MTPAP: variants seen among roughly 807,000 people sequenced by gnomAD.
MTPAP encodes the protein poly(A) RNA polymerase, mitochondrial.
In MTPAP, 23 loss-of-function variants were observed where a neutral mutation model predicts 48.7. The observed-to-expected ratio is 0.47, with a 90% CI of 0.34 to 0.67. MTPAP has a LOEUF of 0.67. Among genes scored for constraint, MTPAP ranks in the 30% least tolerant of loss-of-function variants. The probability of loss-of-function intolerance (pLI) is 0.01; values close to 1 mark genes in which losing one functional copy is unlikely to be tolerated. For missense variants in MTPAP, 614 were observed against 694.3 expected (o/e 0.88, Z 1.30); for synonymous variants, 257 against 254.1 (o/e 1.01, Z -0.11).
chr10:30,313,485 A>G lies in MTPAP; in HGVS notation c.*124T>C, dbSNP rs1185764775. The G allele has an allele frequency of 5.9e-6, 8 of 1,353,836 alleles. No homozygotes were observed. Among genetic ancestry groups the G allele is most frequent in the Non-Finnish European group, 8.4e-6 (8 of 957,304 alleles). The allele number at this position is 1,353,836 out of a possible 1,614,324, so 83.9% of individuals were successfully genotyped here. A position where few individuals can be genotyped will look rare whatever the true frequency, so the allele number is the denominator to read the frequency against. ...AGACCAGGTTAAGGGGGCCAATGAGAAGATCATGAAAAGTGACATCAGATG... is the reference window on the plus strand; with the variant it reads ...AGACCAGGTTAAGGGGGCCAATGAGGAGATCATGAAAAGTGACATCAGATG... On this transcript the variant is annotated 3_prime_UTR_variant, in exon 9 of 9. Transcript: ENST00000263063.
chr10:30,329,252 A>G (rs2132856694), intron 4 of MTPAP, among the ~76,000 whole-genome samples: 1 of 151,630 alleles, frequency 6.6e-6, no homozygotes, highest in Admixed American at 6.6e-5. Context: ...CAAAAAAAAA[A>G]GGGTATCACT....
chr10:30,341,682 C>T (rs374940267), intron 1 of MTPAP, 42 bp from the exon 2 acceptor site: 51 of 1,606,914 alleles, frequency 3.2e-5, no homozygotes, highest in Non-Finnish European at 6.0e-6. Context: ...CGCACACACA[C>T]AAAATTTTAA....
At chr10:30,332,073 A>G (rs1159328224) in intron 4 of MTPAP, among the ~76,000 whole-genome samples, 1 of 152,246 alleles carries the variant, frequency 6.6e-6, no homozygotes, top group Non-Finnish European at 1.5e-5. Flanking sequence ...AAGGTAAGAG[A>G]AGAGCTCATG....
At position 30,313,595 on chromosome 10, in the gene MTPAP, C is replaced by A. The variant is rs765272329; in HGVS notation, c.*14G>T. On this transcript the variant is annotated 3_prime_UTR_variant, in exon 9 of 9. Coordinates refer to ENST00000263063, the MANE Select transcript of MTPAP (RefSeq NM_018109.4). ...GATAGGCTAAGCCCAGTTCTTTACACAATGTAGCAGCCATCATGTCTGAGT... is the reference window on the plus strand; with the variant it reads ...GATAGGCTAAGCCCAGTTCTTTACAAAATGTAGCAGCCATCATGTCTGAGT... 7 of 1,614,024 alleles carry A rather than the reference C, an allele frequency of 4.3e-6. No individual in the cohort carries two copies. Among genetic ancestry groups the A allele is most frequent in the Middle Eastern group, 1.6e-4 (1 of 6,084 alleles).
At position 30,337,074 on chromosome 10, in the gene MTPAP, C is replaced by T. The variant is rs12221163; in HGVS notation, c.556-47G>A. On this transcript the variant is annotated intron_variant, in intron 3 of 8. Transcript: ENST00000263063. The stretch of plus-strand genomic sequence containing the variant: ...AACAAAATAGAGAAAAAGTACAGGT[C>T]GCATAAAAAGTTACCATTTTACTTT... The T allele has an allele frequency of 0.5, 736,910 of 1,468,848 alleles. 197,411 individuals carry two copies. The highest frequency in any genetic ancestry group is 0.56 in the Admixed American group (33,296 of 59,456). 91.0% of individuals were successfully genotyped at this position (1,468,848 alleles called of 1,614,324 possible).
chr10:30,347,462 T>G (rs903248345), intron 1 of MTPAP, among the ~76,000 whole-genome samples: 1 of 152,236 alleles, frequency 6.6e-6, no homozygotes, highest in African/African-American at 2.4e-5. Flanking sequence ...GACATCCAAA[T>G]GAGGATTTTG....
chr10:30,348,879 C>G (rs1834900888), intron 1 of MTPAP: 5 of 576,182 alleles, frequency 8.7e-6, no homozygotes, highest in Non-Finnish European at 1.5e-5. Flanking sequence ...GAAGTCTAAA[C>G]AACTCCATTA....
chr10:30,330,455 T>A (rs1413115166), intron 4 of MTPAP, among the ~76,000 whole-genome samples: 1 of 152,070 alleles, frequency 6.6e-6, no homozygotes, highest in East Asian at 1.9e-4. Context: ...GGACTCAATC[T>A]CAGAAGCAAC....
chr10:30,319,870 A>T (rs1840701878), intron 6 of MTPAP, among the ~76,000 whole-genome samples: 1 of 152,236 alleles, frequency 6.6e-6, no homozygotes, highest in African/African-American at 2.4e-5. Context: ...ATTTAAAAAC[A>T]ATCAAATTTG....
intron 4 of MTPAP, among the ~76,000 whole-genome samples, chr10:30,328,619 T>C (rs1288576801): frequency 6.6e-6 from 1 of 152,144 alleles, no homozygotes; most frequent in Non-Finnish European, 1.5e-5. Context: ...ACAATGTTTA[T>C]CATGGACATC....
rs1240322592 is a variant in MTPAP at position 30,312,331 on chromosome 10, AGCACTTT to A, written c.*1271_*1277del. ...CATGGTGGCTCACGCTTGTAATCCCAGCACTTTGGGAGGTTGAGGTGGGCTGATCACG... is the reference window on the plus strand; with the variant it reads ...CATGGTGGCTCACGCTTGTAATCCCAGGGAGGTTGAGGTGGGCTGATCACG... On this transcript the variant is annotated 3_prime_UTR_variant, in exon 9 of 9. Coordinates refer to ENST00000263063, the MANE Select transcript of MTPAP (RefSeq NM_018109.4). 2.6e-5 allele frequency: 4 copies of A among 152,098 alleles called. No homozygotes were observed. Among genetic ancestry groups the A allele is most frequent in the Non-Finnish European group, 5.9e-5 (4 of 68,042 alleles). The allele number at this position is 152,098 out of a possible 1,614,324, so 9.4% of individuals were successfully genotyped here.
chr10:30,323,767 C>T (rs952821947), intron 5 of MTPAP, among the ~76,000 whole-genome samples: 2 of 152,234 alleles, frequency 1.3e-5, no homozygotes, highest in African/African-American at 4.8e-5. Context: ...GCCTCGGCCT[C>T]CCAAAATGCT....
Position 30,322,430 on chromosome 10 carries a change from G to C in MTPAP, c.1180C>G (p.Pro394Ala), listed in dbSNP as rs1840735896. Residue 394 changes from proline (P) to alanine (A), a missense_variant, in exon 6 of 9, where the codon CCT becomes GCT. This residue lies in a region of MTPAP where 261 missense variants were observed against 355.4 expected (regional missense o/e 0.73). Transcript: ENST00000263063. ...VIFFLQRRSP[P>A]ILPTLDSLKT... ...AAGGAATCTAGTGTTGGAAGAATAG[G>C]GGGTGATCTTCTCTGGAGAAAAAAG... is the stretch of plus-strand genomic sequence containing the variant. 6.2e-7 allele frequency: 1 copy of C among 1,613,018 alleles called. No individual in the cohort carries two copies. The highest frequency in any genetic ancestry group is 1.3e-5 in the African/African-American group (1 of 74,852).
At chr10:30,314,785 T>C (rs1425881509) in intron 8 of MTPAP, among the ~76,000 whole-genome samples, 1 of 146,730 alleles carries the variant, frequency 6.8e-6, no homozygotes, top group Non-Finnish European at 1.5e-5. Flanking sequence ...GGCAGGAGAA[T>C]CACTTGAACC....
Position 30,312,296 on chromosome 10 carries a change from C to T in MTPAP, c.*1313G>A, listed in dbSNP as rs1244673092. On this transcript the variant is annotated 3_prime_UTR_variant, in exon 9 of 9. Transcript: ENST00000263063. ...AAACTTGGATTGAAAATACAGTATT[C>T]TCGGCCAGGCATGGTGGCTCACGCT... 6.6e-6 allele frequency: 1 copy of T among 151,856 alleles called. No individual in the cohort carries two copies. Among genetic ancestry groups the T allele is most frequent in the African/African-American group, 2.4e-5 (1 of 41,336 alleles). The allele number at this position is 151,856 out of a possible 1,614,324, so 9.4% of individuals were successfully genotyped here. A position where few individuals can be genotyped will look rare whatever the true frequency, so the allele number is the denominator to read the frequency against.
At chr10:30,323,518 T>G (rs1253532692) in intron 5 of MTPAP, among the ~76,000 whole-genome samples, 3 of 151,332 alleles carry the variant, frequency 2.0e-5, no homozygotes, top group Non-Finnish European at 4.4e-5. Flanking sequence ...ATGTATGTAT[T>G]TATTTATTTG....
At chr10:30,321,641 C>G (rs1840726915) in intron 6 of MTPAP, among the ~76,000 whole-genome samples, 3 of 152,196 alleles carry the variant, frequency 2.0e-5, no homozygotes, top group African/African-American at 7.2e-5. Context: ...AGATTTTAAA[C>G]ACCAAGCTAT....
At chr10:30,315,638 C>A (rs1251815643) in intron 8 of MTPAP, among the ~76,000 whole-genome samples, 1 of 152,088 alleles carries the variant, frequency 6.6e-6, no homozygotes, top group African/African-American at 2.4e-5. Context: ...TTAAAAACAG[C>A]TGTATGTAAA....
intron 4 of MTPAP, among the ~76,000 whole-genome samples, chr10:30,327,333 C>CA (rs34178588): frequency 0.21 from 26,932 of 127,070 alleles, 3,142 homozygotes; most frequent in East Asian, 0.56. Flanking sequence ...TTTAAAAATA[C>CA]AAAAAAAAAA....
Sources: allele counts gnomAD v4.1 joint callset (sites outside exome capture counted in the v4.1 genomes callset), GRCh38; gene constraint gnomAD v4.1.1; regional missense constraint gnomAD v4.1.1; transcripts MANE v1.5; gene names NCBI Gene and HGNC (gene_info 2026-07-23, HGNC 2026-07-21).